The following ACTL8 variants were observed in gnomAD, a reference collection of about 807,000 sequenced individuals.
ACTL8 encodes the protein actin-like protein 8.
Under a neutral mutation model 9.3 loss-of-function variants are expected in ACTL8, and 3 were observed. The ratio of observed to expected loss-of-function variants is 0.32; its 90% CI spans 0.15 to 0.83. ACTL8 has a LOEUF of 0.83. ACTL8 is among the 40% of genes least tolerant of loss of function. The pLI is 0.57. For missense variants in ACTL8, 381 were observed against 492.2 expected (o/e 0.77, Z 2.14); for synonymous variants, 224 against 205.9 (o/e 1.09, Z -0.75).
chr1:17,781,092 T>C (rs1025681974), intron 1 of ACTL8, among the ~76,000 whole-genome samples: 1 of 152,120 alleles, frequency 6.6e-6, no homozygotes, highest in Non-Finnish European at 1.5e-5. Context: ...AGAGGATCCT[T>C]CCTTCCTCTT....
At position 17,793,074 on chromosome 1, in the gene ACTL8, G is replaced by A. The variant is rs567163269; in HGVS notation, c.-24-29911G>A. On this transcript the variant is annotated intron_variant, in intron 1 of 2. Transcript: ENST00000375406. ...CCTGCCCAAGCCTGTCCTGAGTGGT[G>A]TCTTCTGACTTTCTTGCACTGTCGA... Among the ~76,000 whole-genome samples the A allele has an allele frequency of 2.4e-3, 359 of 152,344 alleles. 2 individuals are homozygous for A. The highest frequency in any genetic ancestry group is 0.014 in the South Asian group (68 of 4,824).
At chr1:17,764,134 C>T (rs887490357) in intron 1 of ACTL8, among the ~76,000 whole-genome samples, 3 of 152,198 alleles carry the variant, frequency 2.0e-5, no homozygotes, top group African/African-American at 7.2e-5. Context: ...AAGCCTCTGG[C>T]TGGTCCCTTC....
intron 2 of ACTL8, 36 bp from the exon 3 acceptor site, chr1:17,825,731 G>A: frequency 1.3e-6 from 2 of 1,590,802 alleles, no homozygotes; most frequent in Non-Finnish European, 8.6e-7. Context: ...AGCAGGCTGG[G>A]GGGAAATGCA....
intron 1 of ACTL8, among the ~76,000 whole-genome samples, chr1:17,784,869 T>TA (rs1226823845): frequency 1.3e-5 from 2 of 152,158 alleles, no homozygotes; most frequent in African/African-American, 2.4e-5. Flanking sequence ...CTTGGCAAGT[T>TA]ACAAAAGAAA....
intron 1 of ACTL8, among the ~76,000 whole-genome samples, chr1:17,797,278 C>T (rs1336772775): frequency 1.3e-5 from 2 of 152,152 alleles, no homozygotes; most frequent in Non-Finnish European, 2.9e-5. Flanking sequence ...ATGTTGTGCC[C>T]AAGCCCTGTC....
At chr1:17,800,507 C>T (rs1465334916) in intron 1 of ACTL8, among the ~76,000 whole-genome samples, 1 of 151,824 alleles carries the variant, frequency 6.6e-6, no homozygotes, top group East Asian at 1.9e-4. Flanking sequence ...TTCTCCTTTG[C>T]CCTACTGCCC....
chr1:17,813,226 T>C (rs2124184973), intron 1 of ACTL8, among the ~76,000 whole-genome samples: 1 of 152,342 alleles, frequency 6.6e-6, no homozygotes, highest in Non-Finnish European at 1.5e-5. Flanking sequence ...TTCCCAGTCT[T>C]AGGGAGAAAG....
At chr1:17,812,777 GC>G (rs1233496803) in intron 1 of ACTL8, among the ~76,000 whole-genome samples, 1 of 151,990 alleles carries the variant, frequency 6.6e-6, no homozygotes, top group Non-Finnish European at 1.5e-5. Context: ...ACAGGCCTGA[GC>G]CACCACACCT....
chr1:17,772,241 T>A (rs1398615456), intron 1 of ACTL8, among the ~76,000 whole-genome samples: 1 of 152,224 alleles, frequency 6.6e-6, no homozygotes, highest in Admixed American at 6.5e-5. Context: ...ATACGCATTT[T>A]AAAAATTAGT....
chr1:17,823,303 A>G lies in ACTL8; in HGVS notation c.295A>G (p.Ile99Val). 7.4e-6 allele frequency: 12 copies of G among 1,614,062 alleles called. No individual in the cohort carries two copies. The highest frequency in any genetic ancestry group is 1.0e-5 in the Non-Finnish European group (12 of 1,180,002). ...ACGGGAGCAAGAGGTCCCCCCTGTG[A>G]TCATCACGGAGACACCCTTGAGGGA... Reference protein sequence around the residue: ...HRREQEVPPVIITETPLREPA... With the variant: ...HRREQEVPPVVITETPLREPA... The change falls in exon 2 of 3, where the codon ATC becomes GTC. Residue 99 changes from isoleucine to valine, a missense_variant. By Grantham distance (29) the Ile-to-Val change is conservative. Coordinates refer to ENST00000375406, the MANE Select transcript of ACTL8 (RefSeq NM_030812.3). The surrounding 1 kb of genome is among the most constrained non-coding windows in gnomAD (Gnocchi z 5.3).
At chr1:17,782,118 G>C (rs1027120805) in intron 1 of ACTL8, among the ~76,000 whole-genome samples, 1 of 152,056 alleles carries the variant, frequency 6.6e-6, no homozygotes, top group Non-Finnish European at 1.5e-5. Context: ...TACAGCTCTG[G>C]TACACGAGCC....
intron 1 of ACTL8, among the ~76,000 whole-genome samples, chr1:17,799,290 C>T (rs1328104518): frequency 6.6e-6 from 1 of 152,190 alleles, no homozygotes; most frequent in African/African-American, 2.4e-5. Flanking sequence ...CACCTGTTGG[C>T]GATCGTCTAG....
intron 1 of ACTL8, among the ~76,000 whole-genome samples, chr1:17,797,384 C>G (rs2066284711): frequency 6.6e-6 from 1 of 152,208 alleles, no homozygotes; most frequent in Non-Finnish European, 1.5e-5. Flanking sequence ...AAGGACCCCA[C>G]CTCTTTGAAG....
At chr1:17,798,032 C>T (rs16830757) in intron 1 of ACTL8, among the ~76,000 whole-genome samples, 20,707 of 152,052 alleles carry the variant, frequency 0.14, 1,699 homozygotes, top group East Asian at 0.25. Context: ...CGTTTTGTCC[C>T]GGAGTAGATT....
intron 1 of ACTL8, among the ~76,000 whole-genome samples, chr1:17,785,848 G>A (rs572554175): frequency 6.2e-4 from 95 of 152,220 alleles, no homozygotes; most frequent in East Asian, 1.9e-3. Flanking sequence ...TCCTTGGGTC[G>A]GGAGCCCAGG....
intron 1 of ACTL8, among the ~76,000 whole-genome samples, chr1:17,816,790 C>T (rs1329728631): frequency 6.6e-6 from 1 of 152,190 alleles, no homozygotes; most frequent in African/African-American, 2.4e-5. Context: ...CTTTCTCTGA[C>T]TGGCTCCCAT....
chr1:17,755,336 G>C lies in ACTL8; in HGVS notation c.-193G>C, dbSNP rs1407812584. ...GCTTCCTGCTTGCCACGTGCTCACA[G>C]AGTAGGCTGCGGCACCACGTGCAGC... On this transcript the variant is annotated 5_prime_UTR_variant, in exon 1 of 3. Transcript: ENST00000375406. 6.6e-6 allele frequency: 1 copy of C among 152,206 alleles called. No homozygotes were observed. Among genetic ancestry groups the C allele is most frequent in the African/African-American group, 2.4e-5 (1 of 41,458 alleles). The allele number at this position is 152,206 out of a possible 1,614,324, so 9.4% of individuals were successfully genotyped here. A position where few individuals can be genotyped will look rare whatever the true frequency, so the allele number is the denominator to read the frequency against.
chr1:17,813,208 T>C (rs144818519), intron 1 of ACTL8, among the ~76,000 whole-genome samples: 1 of 152,356 alleles, frequency 6.6e-6, no homozygotes, highest in East Asian at 1.9e-4. Context: ...ACTGACATCT[T>C]TACCTTGTTC....
At chr1:17,764,225 A>G (rs542854767) in intron 1 of ACTL8, among the ~76,000 whole-genome samples, 2 of 152,136 alleles carry the variant, frequency 1.3e-5, no homozygotes, top group Non-Finnish European at 2.9e-5. Context: ...GGTAGAGGCC[A>G]GGGAAGCTGC....
Sources: allele counts gnomAD v4.1 joint callset (sites outside exome capture counted in the v4.1 genomes callset), GRCh38; gene constraint gnomAD v4.1.1; non-coding constraint Gnocchi (gnomAD v3.1); transcripts MANE v1.5; gene names NCBI Gene and HGNC (gene_info 2026-07-23, HGNC 2026-07-21).